The following USP49 variants were observed in gnomAD, a reference collection of about 807,000 sequenced individuals.
The protein encoded by USP49 is ubiquitin specific peptidase 49.
A neutral mutation model predicts 58.6 loss-of-function variants in USP49; 24 were observed. The ratio of observed to expected loss-of-function variants is 0.41; its 90% CI spans 0.30 to 0.58. The LOEUF (loss-of-function observed/expected upper bound fraction) is 0.58, where lower values mean the gene tolerates loss of function less well. Among genes scored for constraint, USP49 ranks in the 20% least tolerant of loss-of-function variants. The pLI, the probability that USP49 is intolerant of heterozygous loss-of-function variation, is 0.30. For missense variants in USP49, 703 were observed against 866.1 expected, an observed-to-expected ratio of 0.81 and a Z score of 2.36; for synonymous variants, 408 against 365.1, an observed-to-expected ratio of 1.12 and a Z score of -1.34.
At chr6:41,850,384 A>G (rs985822540) in intron 3 of USP49, among the ~76,000 whole-genome samples, 2 of 151,654 alleles carry the variant, frequency 1.3e-5, no homozygotes, top group African/African-American at 4.8e-5. Context: ...CAGAGGTTGC[A>G]GTGAGCTGAG....
At chr6:41,869,997 A>T (rs1276738196) in intron 3 of USP49, among the ~76,000 whole-genome samples, 2 of 152,216 alleles carry the variant, frequency 1.3e-5, no homozygotes, top group African/African-American at 4.8e-5. Flanking sequence ...AGATGAAGTC[A>T]AAAGAAAACT....
At chr6:41,828,798 C>T (rs900728581) in intron 3 of USP49, among the ~76,000 whole-genome samples, 11 of 151,318 alleles carry the variant, frequency 7.3e-5, no homozygotes, top group African/African-American at 2.5e-4. Context: ...AAGGTACTTG[C>T]CAACAGTTTC....
At chr6:41,831,534 C>T (rs1386879154) in intron 3 of USP49, among the ~76,000 whole-genome samples, 2 of 148,906 alleles carry the variant, frequency 1.3e-5, no homozygotes, top group East Asian at 2.0e-4. Context: ...GAGCCGAGAC[C>T]GTAACATTGC....
At chr6:41,843,912 C>T (rs1267382092) in intron 3 of USP49, among the ~76,000 whole-genome samples, 8 of 152,106 alleles carry the variant, frequency 5.3e-5, no homozygotes, top group African/African-American at 1.9e-4. Flanking sequence ...TGCCTGGTGG[C>T]GGGTGCGTGT....
intron 5 of USP49, among the ~76,000 whole-genome samples, chr6:41,802,434 TTA>T (rs1491128453): frequency 5.6e-5 from 3 of 53,110 alleles, no homozygotes; most frequent in South Asian, 7.6e-4. Context: ...TTTATTTTAT[TTA>T]TTTATTTATT....
chr6:41,825,585 T>C (rs909053428), intron 3 of USP49, among the ~76,000 whole-genome samples: 3 of 152,168 alleles, frequency 2.0e-5, no homozygotes, highest in African/African-American at 7.2e-5. Context: ...GGTATATCCT[T>C]AGCAAATATT....
chr6:41,829,742 A>T (rs1182949797), intron 3 of USP49, among the ~76,000 whole-genome samples: 1 of 152,230 alleles, frequency 6.6e-6, no homozygotes, highest in East Asian at 1.9e-4. Flanking sequence ...GATAGTGGGC[A>T]CCATGTACTG....
chr6:41,815,079 T>C (rs1215962738), intron 3 of USP49, among the ~76,000 whole-genome samples: 1 of 151,974 alleles, frequency 6.6e-6, no homozygotes, highest in Non-Finnish European at 1.5e-5. Context: ...CTAATATCAA[T>C]ATATAGTTAA....
At chr6:41,833,998 CT>C (rs777099154) in intron 3 of USP49, among the ~76,000 whole-genome samples, 18 of 152,190 alleles carry the variant, frequency 1.2e-4, no homozygotes, top group Non-Finnish European at 2.2e-4. Flanking sequence ...TTGTTTAAAA[CT>C]TTAAACAAAG....
chr6:41,796,184 A>G lies in USP49; in HGVS notation c.*349T>C, dbSNP rs759111220. On this transcript the variant is annotated 3_prime_UTR_variant, in exon 8 of 8. Transcript: ENST00000682992. ...GCAAGGAGGTCCTGATTAGCAGGGG[A>G]ATCACATCATGGAGAGAAAACATGG... 17 of 205,738 alleles carry G rather than the reference A, an allele frequency of 8.3e-5. No homozygotes were observed. Among genetic ancestry groups the G allele is most frequent in the Non-Finnish European group, 1.6e-4 (16 of 99,918 alleles). The allele number at this position is 205,738 out of a possible 1,614,324, so 12.7% of individuals were successfully genotyped here.
intron 3 of USP49, among the ~76,000 whole-genome samples, chr6:41,848,171 C>T (rs1480262043): frequency 6.6e-6 from 1 of 151,680 alleles, no homozygotes; most frequent in Non-Finnish European, 1.5e-5. Flanking sequence ...ATGATTTATG[C>T]AATCACAACA....
At chr6:41,889,941 A>T (rs1774782290) in intron 2 of USP49, among the ~76,000 whole-genome samples, 1 of 152,216 alleles carries the variant, frequency 6.6e-6, no homozygotes, top group African/African-American at 2.4e-5. Context: ...ACTTTTCCAT[A>T]TGTTTAAAAA....
chr6:41,848,713 G>A (rs1773967494), intron 3 of USP49, among the ~76,000 whole-genome samples: 1 of 151,968 alleles, frequency 6.6e-6, no homozygotes. Context: ...AAATTAGCCA[G>A]GTGCAGTGGC....
intron 2 of USP49, among the ~76,000 whole-genome samples, chr6:41,872,301 T>C (rs1343534432): frequency 6.6e-6 from 1 of 152,246 alleles, no homozygotes; most frequent in Non-Finnish European, 1.5e-5. Flanking sequence ...AAATTCTCTA[T>C]TGTGTCATCC....
chr6:41,861,902 T>TATTGG (rs1413269121), intron 3 of USP49, among the ~76,000 whole-genome samples: 1 of 152,120 alleles, frequency 6.6e-6, no homozygotes, highest in African/African-American at 2.4e-5. Context: ...GGTTTCACCA[T>TATTGG]ATTGGCCAGA....
intron 2 of USP49, among the ~76,000 whole-genome samples, chr6:41,884,478 CAGTA>C (rs1158340964): frequency 5.9e-5 from 9 of 152,136 alleles, no homozygotes. Context: ...CCAAAAGAAT[CAGTA>C]AGTATTTTAC....
In USP49 at chr6:41,803,137, ACT is replaced by A. The variant is rs1313788604; in HGVS notation, c.1561+667_1561+668del. Among the ~76,000 whole-genome samples the A allele has an allele frequency of 6.6e-6, 1 of 152,100 alleles. No homozygotes were observed. The highest frequency in any genetic ancestry group is 1.5e-5 in the Non-Finnish European group (1 of 68,026). On this transcript the variant is annotated intron_variant, in intron 5 of 7. Transcript: ENST00000682992. The surrounding 1 kb of genome is among the most constrained non-coding windows in gnomAD (Gnocchi z 4.1). ...GTTTAGATTAAGTAAGAACTGTCAGACTCTACATTCATGAATTTAAGCAGCAG... is the reference window on the plus strand; with the variant it reads ...GTTTAGATTAAGTAAGAACTGTCAGACTACATTCATGAATTTAAGCAGCAG...
At chr6:41,811,598 T>G (rs909452106) in intron 3 of USP49, among the ~76,000 whole-genome samples, 1 of 152,146 alleles carries the variant, frequency 6.6e-6, no homozygotes, top group Admixed American at 6.6e-5. Flanking sequence ...TATATTTCTG[T>G]TTTTACCCCC....
rs1772931831 is a variant in USP49, at chr6:41,798,533, C to T, written c.1876+191G>A. The T allele has an allele frequency of 3.4e-6, 5 of 1,478,036 alleles. No homozygotes were observed. The South Asian group carries it at 7.0e-5, about 21-fold the overall frequency. 91.6% of individuals were successfully genotyped at this position (1,478,036 alleles called of 1,614,324 possible). A position where few individuals can be genotyped will look rare whatever the true frequency, so the allele number is the denominator to read the frequency against. On this transcript the variant is annotated intron_variant, in intron 7 of 7. Coordinates refer to ENST00000682992, the MANE Select transcript of USP49 (RefSeq NM_001286554.2). ...TCAGGTGATCCACCCACCGCGGCCT[C>T]CCAAAGCGCTAGGATTACAGGTGTG...
Sources: gnomAD v4.1 joint callset for allele counts (sites outside exome capture counted in the v4.1 genomes callset) on GRCh38, gnomAD v4.1.1 for gene constraint, Gnocchi (gnomAD v3.1) non-coding constraint, MANE v1.5 for transcripts, NCBI Gene and HGNC (gene_info 2026-07-23, HGNC 2026-07-21) for gene names.